PRDM16: variants seen among roughly 807,000 people sequenced by gnomAD.
PRDM16 encodes histone-lysine N-methyltransferase PRDM16.
A neutral mutation model predicts 110.6 loss-of-function variants in PRDM16; 23 were observed. The observed-to-expected ratio is 0.21, with a 90% CI of 0.15 to 0.29. The LOEUF is 0.29. Ranked by LOEUF, PRDM16 falls within the 10% of genes least tolerant of loss-of-function variation. The pLI is 1.00. For missense variants in PRDM16, 1,615 were observed against 1,794.3 expected (o/e 0.90, Z 1.81); for synonymous variants, 799 against 781.8 (o/e 1.02, Z -0.37).
chr1:3,356,059 A>G (rs540735674), intron 3 of PRDM16, among the ~76,000 whole-genome samples: 228 of 152,340 alleles, frequency 1.5e-3, no homozygotes, highest in African/African-American at 5.3e-3. Flanking sequence ...AACCCAGTGC[A>G]GCTTTCAGGG....
chr1:3,335,557 A>G (rs1642126410), intron 3 of PRDM16, among the ~76,000 whole-genome samples: 1 of 151,148 alleles, frequency 6.6e-6, no homozygotes. Context: ...GGCTTCAAAC[A>G]GAGCATTGGA....
At chr1:3,373,494 A>G (rs1457465180) in intron 3 of PRDM16, among the ~76,000 whole-genome samples, 2 of 152,048 alleles carry the variant, frequency 1.3e-5, no homozygotes, top group Non-Finnish European at 2.9e-5. Context: ...GCGCCCCCAC[A>G]TCCTTGCTTT....
chr1:3,089,617 G>A (rs775131804), intron 1 of PRDM16, among the ~76,000 whole-genome samples: 1 of 152,250 alleles, frequency 6.6e-6, no homozygotes, highest in Admixed American at 6.5e-5. Flanking sequence ...AAATGCCCCT[G>A]CCGGTGAGGG....
chr1:3,421,261 G>A (rs866666504), intron 12 of PRDM16, among the ~76,000 whole-genome samples: 1 of 152,094 alleles, frequency 6.6e-6, no homozygotes, highest in African/African-American at 2.4e-5. Flanking sequence ...AGGGGCTCGG[G>A]GGCCCTGGCC....
chr1:3,376,554 A>G (rs957095085), intron 3 of PRDM16, among the ~76,000 whole-genome samples: 49 of 152,322 alleles, frequency 3.2e-4, no homozygotes, highest in African/African-American at 1.1e-3. Flanking sequence ...GCGGGAGCTA[A>G]GAGCCACAGC....
chr1:3,137,850 G>C (rs760681217), intron 1 of PRDM16, among the ~76,000 whole-genome samples: 1 of 152,222 alleles, frequency 6.6e-6, no homozygotes, highest in South Asian at 2.1e-4. Context: ...CTGACCTCAC[G>C]AGCCAGGTCC....
At chr1:3,388,690 T>A (rs1643243814) in intron 4 of PRDM16, among the ~76,000 whole-genome samples, 1 of 152,082 alleles carries the variant, frequency 6.6e-6, no homozygotes, top group Admixed American at 6.5e-5. Context: ...TTTCCCCGAG[T>A]CTCCTGCTAC....
At chr1:3,274,822 TGGTGTCGA>T (rs775844991) in intron 3 of PRDM16, among the ~76,000 whole-genome samples, 210 of 152,276 alleles carry the variant, frequency 1.4e-3, no homozygotes, top group Non-Finnish European at 2.1e-3. Flanking sequence ...TTGGGGGCAG[TGGTGTCGA>T]GGGCATGGAG....
chr1:3,324,731 G>A (rs1445404949), intron 3 of PRDM16, among the ~76,000 whole-genome samples: 2 of 149,602 alleles, frequency 1.3e-5, no homozygotes, highest in African/African-American at 4.9e-5. Context: ...CCCTGATTCC[G>A]TCGTCACCCC....
intron 1 of PRDM16, among the ~76,000 whole-genome samples, chr1:3,108,292 C>T (rs1190383424): frequency 6.6e-6 from 1 of 152,208 alleles, no homozygotes; most frequent in Non-Finnish European, 1.5e-5. Context: ...TCATGAAGTC[C>T]TTCAACCCAC....
intron 1 of PRDM16, among the ~76,000 whole-genome samples, chr1:3,181,323 A>ACACACGCGG (rs1557508712): frequency 9.8e-4 from 30 of 30,596 alleles, no homozygotes; most frequent in South Asian, 3.9e-3. Context: ...TACACACGCA[A>ACACACGCGG]TCTTACACAA....
intron 2 of PRDM16, among the ~76,000 whole-genome samples, chr1:3,230,587 A>T (rs1434513348): frequency 6.6e-6 from 1 of 152,252 alleles, no homozygotes; most frequent in Non-Finnish European, 1.5e-5. Context: ...TAAGAAAAAT[A>T]TAAATGAACA....
chr1:3,322,338 G>A (rs1174944766), intron 3 of PRDM16, among the ~76,000 whole-genome samples: 2 of 152,126 alleles, frequency 1.3e-5, no homozygotes, highest in South Asian at 2.1e-4. Context: ...TGATTGACTC[G>A]AGTTACATCA....
Position 3,435,052 on chromosome 1 carries a change from G to A in PRDM16, c.*1241G>A, listed in dbSNP as rs763314842. 3.1e-5 allele frequency: 7 copies of A among 227,274 alleles called. No homozygotes were observed. The highest frequency in any genetic ancestry group is 6.7e-5 in the African/African-American group (3 of 45,102). 14.1% of individuals were successfully genotyped at this position (227,274 alleles called of 1,614,324 possible). ...AGACACAGCTTGAGAACAGAAGGGC[G>A]TCGGGGGAACCTGCCGCAAGGAGCA... On this transcript the variant is annotated 3_prime_UTR_variant, in exon 17 of 17. Coordinates refer to ENST00000270722, the MANE Select transcript of PRDM16 (RefSeq NM_022114.4).
At chr1:3,319,187 A>G (rs986738841) in intron 3 of PRDM16, among the ~76,000 whole-genome samples, 1 of 152,188 alleles carries the variant, frequency 6.6e-6, no homozygotes, top group African/African-American at 2.4e-5. Context: ...GGTACAGCCC[A>G]GGGCTCCCTG....
At chr1:3,261,855 T>C (rs1640170877) in intron 3 of PRDM16, among the ~76,000 whole-genome samples, 3 of 152,106 alleles carry the variant, frequency 2.0e-5, no homozygotes, top group African/African-American at 7.2e-5. Context: ...AGTTGACAGG[T>C]TGTCTGGCCT....
rs1367227387 is a variant in PRDM16, at chr1:3,411,944, C to T, written c.1747C>T (p.Leu583=). The T allele has an allele frequency of 1.2e-6, 2 of 1,613,612 alleles. No individual in the cohort carries two copies. The highest frequency in any genetic ancestry group is 2.2e-5 in the South Asian group (2 of 91,076). The change falls in exon 9 of 17, where the codon CTG becomes TTG. Residue 583 remains leucine (L), a synonymous_variant. Coordinates refer to ENST00000270722, the MANE Select transcript of PRDM16 (RefSeq NM_022114.4). The part of the protein sequence containing the change: ...AGPEEKFESR[L]EDSCVEKLKT... ...GCCCGAGGAGAAGTTCGAGAGCCGC[C>T]TGGAGGACTCCTGTGTGGAGAAGCT...
At chr1:3,412,951 GGGT>G in intron 9 of PRDM16, 151 bp downstream of exon 9, 1 of 668,080 alleles carries the variant, frequency 1.5e-6, no homozygotes, top group Non-Finnish European at 2.3e-6. Context: ...GTTCTTGGGG[GGGT>G]CTGCACCCCT....
intron 3 of PRDM16, among the ~76,000 whole-genome samples, chr1:3,260,672 T>C (rs370295378): frequency 1.3e-5 from 2 of 148,394 alleles, no homozygotes; most frequent in East Asian, 2.0e-4. Flanking sequence ...ATGATGATCA[T>C]AGCTTTGATT....
Sources: allele counts gnomAD v4.1 joint callset (sites outside exome capture counted in the v4.1 genomes callset), GRCh38; gene constraint gnomAD v4.1.1; transcripts MANE v1.5; gene names NCBI Gene and HGNC (gene_info 2026-07-23, HGNC 2026-07-21).